ODAD2: variants seen among roughly 807,000 people sequenced by gnomAD.
ODAD2 encodes the protein outer dynein arm docking complex subunit 2.
ODAD2 carries 89 observed loss-of-function variants against 106.8 expected under a neutral mutation model. The observed-to-expected ratio is 0.83, with a 90% CI of 0.70 to 0.99. The LOEUF is 0.99. Among genes scored for constraint, ODAD2 ranks in the 50% least tolerant of loss-of-function variants. The probability of loss-of-function intolerance (pLI) is 0.00; values close to 1 mark genes in which losing one functional copy is unlikely to be tolerated. For missense variants in ODAD2, 1,168 were observed against 1,238.5 expected (o/e 0.94, Z 0.85); for synonymous variants, 404 against 436.2 (o/e 0.93, Z 0.92).
intron 19 of ODAD2, among the ~76,000 whole-genome samples, chr10:27,824,855 G>T (rs1013082486): frequency 2.0e-5 from 3 of 152,166 alleles, no homozygotes; most frequent in Admixed American, 6.5e-5. Flanking sequence ...GGGAAAGGTT[G>T]TATGTATAAA....
intron 16 of ODAD2, among the ~76,000 whole-genome samples, chr10:27,929,935 C>G (rs1199467501): frequency 6.6e-6 from 1 of 152,082 alleles, no homozygotes; most frequent in Non-Finnish European, 1.5e-5. Context: ...AGACTCACAG[C>G]AAAGTTTTCT....
intron 10 of ODAD2, among the ~76,000 whole-genome samples, chr10:27,959,590 C>T (rs1467025344): frequency 6.6e-6 from 1 of 152,076 alleles, no homozygotes; most frequent in Non-Finnish European, 1.5e-5. Flanking sequence ...AGTGCAGGAG[C>T]ATGTGGCCTG....
At chr10:27,831,870 A>G (rs1564406198) in intron 19 of ODAD2, among the ~76,000 whole-genome samples, 1 of 152,226 alleles carries the variant, frequency 6.6e-6, no homozygotes, top group Non-Finnish European at 1.5e-5. Context: ...CCATGGGTAT[A>G]TGTGGCTCCC....
intron 19 of ODAD2, among the ~76,000 whole-genome samples, chr10:27,825,372 T>C (rs1220243179): frequency 1.3e-5 from 2 of 152,212 alleles, no homozygotes; most frequent in Non-Finnish European, 2.9e-5. Flanking sequence ...AAAACCTTTC[T>C]TTCTCTTCAA....
chr10:27,939,803 G>A, intron 14 of ODAD2, 94 bp downstream of exon 14: 1 of 569,538 alleles, frequency 1.8e-6, no homozygotes, highest in African/African-American at 2.0e-5. Context: ...AGATTCCTGA[G>A]TCCCATTCTC....
chr10:27,976,044 CAT>C (rs1218543725), intron 7 of ODAD2, among the ~76,000 whole-genome samples: 6 of 152,046 alleles, frequency 3.9e-5, no homozygotes, highest in Admixed American at 3.9e-4. Flanking sequence ...GAAAAAAACA[CAT>C]GATTCTCTCC....
intron 16 of ODAD2, among the ~76,000 whole-genome samples, chr10:27,930,636 AAAAAG>A (rs1845552706): frequency 1.3e-5 from 2 of 151,972 alleles, no homozygotes; most frequent in African/African-American, 2.4e-5. Context: ...CAAAAAAAAA[AAAAAG>A]AAAAAGAAAA....
intron 7 of ODAD2, among the ~76,000 whole-genome samples, chr10:27,979,411 T>G (rs909606238): frequency 2.0e-5 from 3 of 148,704 alleles, no homozygotes; most frequent in Non-Finnish European, 3.0e-5. Context: ...TGATCTTGTA[T>G]GCAGAAAAAC....
At chr10:27,983,318 G>T (rs1341344447) in intron 6 of ODAD2, among the ~76,000 whole-genome samples, 1 of 152,214 alleles carries the variant, frequency 6.6e-6, no homozygotes, top group Non-Finnish European at 1.5e-5. Flanking sequence ...ACTCTTCAGA[G>T]ATCTGGAGCC....
chr10:27,952,037 T>C (rs1847364202), intron 10 of ODAD2, among the ~76,000 whole-genome samples: 2 of 125,854 alleles, frequency 1.6e-5, no homozygotes, highest in African/African-American at 5.9e-5. Flanking sequence ...ATCGTGAAAC[T>C]GTACTCCAGC....
chr10:27,949,511 T>C (rs1172548397), intron 10 of ODAD2, among the ~76,000 whole-genome samples: 3 of 151,994 alleles, frequency 2.0e-5, no homozygotes, highest in Non-Finnish European at 2.9e-5. Flanking sequence ...TGTGATGAAA[T>C]GTCCACCAGT....
intron 17 of ODAD2, among the ~76,000 whole-genome samples, chr10:27,907,300 T>C (rs1004598063): frequency 1.3e-5 from 2 of 152,130 alleles, no homozygotes; most frequent in South Asian, 2.1e-4. Flanking sequence ...GAAGCAGTCA[T>C]GTCTCCCCCA....
At chr10:27,879,276 T>C (rs1399240225) in intron 17 of ODAD2, among the ~76,000 whole-genome samples, 1 of 152,100 alleles carries the variant, frequency 6.6e-6, no homozygotes, top group African/African-American at 2.4e-5. Context: ...GCTTACAGAG[T>C]TAATTACATG....
At position 27,941,601 on chromosome 10, in the gene ODAD2, T is replaced by TTTTTTG. The variant is rs775203384; in HGVS notation, c.1744-797_1744-796insCAAAAA. On this transcript the variant is annotated intron_variant, in intron 12 of 19. Coordinates refer to ENST00000305242, the MANE Select transcript of ODAD2 (RefSeq NM_018076.5). ...AGCACAACTGCCAGCATCCAGTTTT[T>TTTTTTG]TTTTTTTTTTTTTTTGCAATAACTA... 5.0e-4 allele frequency among the ~76,000 whole-genome samples: 75 copies of TTTTTTG among 149,234 alleles called. 3 individuals carry two copies. The highest frequency in any genetic ancestry group is 8.5e-4 in the Non-Finnish European group (57 of 67,222).
At chr10:27,845,891 C>T (rs1335821521) in intron 19 of ODAD2, among the ~76,000 whole-genome samples, 1 of 152,284 alleles carries the variant, frequency 6.6e-6, no homozygotes, top group East Asian at 1.9e-4. Flanking sequence ...AATATATATG[C>T]ACCCAATACA....
chr10:27,830,457 A>G (rs1302076185), intron 19 of ODAD2, among the ~76,000 whole-genome samples: 1 of 152,232 alleles, frequency 6.6e-6, no homozygotes, highest in East Asian at 1.9e-4. Context: ...TGGCTGATAG[A>G]TAGCCTTGCT....
At chr10:27,874,479 G>T (rs1841165298) in intron 17 of ODAD2, among the ~76,000 whole-genome samples, 1 of 152,136 alleles carries the variant, frequency 6.6e-6, no homozygotes, top group Non-Finnish European at 1.5e-5. Flanking sequence ...GCATGTTTTT[G>T]CAGTGGCTGG....
At chr10:27,814,256 G>A (rs906248819) in intron 19 of ODAD2, among the ~76,000 whole-genome samples, 4 of 152,206 alleles carry the variant, frequency 2.6e-5, no homozygotes, top group African/African-American at 9.6e-5. Flanking sequence ...GGAGGGGTCA[G>A]GCTCCTGCCT....
intron 19 of ODAD2, among the ~76,000 whole-genome samples, chr10:27,828,855 C>CATAT (rs1406375558): frequency 1.3e-5 from 2 of 152,096 alleles, no homozygotes; most frequent in Non-Finnish European, 2.9e-5. Flanking sequence ...TGAGAATTCT[C>CATAT]TAAATTATAC....
Sources: allele counts gnomAD v4.1 joint callset (sites outside exome capture counted in the v4.1 genomes callset), GRCh38; gene constraint gnomAD v4.1.1; transcripts MANE v1.5; gene names NCBI Gene and HGNC (gene_info 2026-07-23, HGNC 2026-07-21).